The following FAF1 variants were observed in gnomAD, a reference collection of about 807,000 sequenced individuals.
FAF1 encodes the protein Fas associated factor 1.
A neutral mutation model predicts 92.5 loss-of-function variants in FAF1; 25 were observed. The ratio of observed to expected loss-of-function variants is 0.27; its 90% CI spans 0.20 to 0.38. The LOEUF (loss-of-function observed/expected upper bound fraction) is 0.38, where lower values mean the gene tolerates loss of function less well. Among genes scored for constraint, FAF1 ranks in the 10% least tolerant of loss-of-function variants. The pLI, the probability that FAF1 is intolerant of heterozygous loss-of-function variation, is 1.00. For missense variants in FAF1, 636 were observed against 793.3 expected (o/e 0.80, Z 2.38); for synonymous variants, 234 against 273.2 (o/e 0.86, Z 1.42).
In FAF1 at chr1:50,930,583, C is replaced by G. The variant is rs923696876; in HGVS notation, c.45+29184G>C. On this transcript the variant is annotated intron_variant, in intron 1 of 18. Coordinates refer to ENST00000396153, the MANE Select transcript of FAF1 (RefSeq NM_007051.3). ...AGGCACAGTGGCTCAAGCCTGTAAT[C>G]CCAGCACTTTGGGAGGCCAAGGCGG... Among the ~76,000 whole-genome samples the G allele has an allele frequency of 1.1e-4, 16 of 152,328 alleles. No homozygotes were observed. In the East Asian group the frequency reaches 2.3e-3, roughly 22 times the overall value.
intron 4 of FAF1, among the ~76,000 whole-genome samples, chr1:50,751,964 GTTTTGTTTTTGT>G (rs916595250): frequency 4.5e-4 from 69 of 152,154 alleles, no homozygotes; most frequent in Admixed American, 2.4e-3. Flanking sequence ...TTGTGGGAAG[GTTTTGTTTTTGT>G]TTTTGTTTTT....
intron 1 of FAF1, among the ~76,000 whole-genome samples, chr1:50,859,440 C>T (rs955111373): frequency 6.6e-6 from 1 of 151,844 alleles, no homozygotes; most frequent in Non-Finnish European, 1.5e-5. Context: ...GTACAAAAAT[C>T]AGTAGCATTT....
At chr1:50,657,195 G>T (rs950921214) in intron 7 of FAF1, among the ~76,000 whole-genome samples, 5 of 151,684 alleles carry the variant, frequency 3.3e-5, no homozygotes, top group Non-Finnish European at 2.9e-5. Flanking sequence ...CTGGCAGACA[G>T]AGTGAGACCC....
intron 8 of FAF1, among the ~76,000 whole-genome samples, chr1:50,647,635 T>C (rs1317118101): frequency 6.6e-6 from 1 of 152,218 alleles, no homozygotes; most frequent in Non-Finnish European, 1.5e-5. Flanking sequence ...AAGTCAACCA[T>C]GTTAAGGCAT....
chr1:50,731,665 G>A (rs1009204905), intron 6 of FAF1, among the ~76,000 whole-genome samples: 8 of 151,966 alleles, frequency 5.3e-5, no homozygotes, highest in African/African-American at 1.9e-4. Flanking sequence ...ACCGCGCCCG[G>A]CCTCAAAACA....
At chr1:50,762,227 G>A (rs1395196853) in intron 4 of FAF1, among the ~76,000 whole-genome samples, 4 of 152,100 alleles carry the variant, frequency 2.6e-5, no homozygotes, top group Non-Finnish European at 5.9e-5. Context: ...ATGCTCATGG[G>A]TAGGAAGAAT....
rs552748100 is a variant in FAF1, at chr1:50,635,721, A to G, written c.744+19721T>C. 1.1e-4 allele frequency among the ~76,000 whole-genome samples: 17 copies of G among 152,334 alleles called. No homozygotes were observed. In the South Asian group the frequency reaches 3.5e-3, roughly 32 times the overall value. ...CCACCCTGACTGAAAACTCAATTGT[A>G]TAGATGCCATTTAGCTCACTCATCT... On this transcript the variant is annotated intron_variant, in intron 8 of 18. Transcript: ENST00000396153.
At position 50,663,579 on chromosome 1, in the gene FAF1, T is replaced by A. The variant is rs1169039213; in HGVS notation, c.658-8051A>T. 2.0e-5 allele frequency among the ~76,000 whole-genome samples: 3 copies of A among 151,418 alleles called. No individual in the cohort carries two copies. The East Asian group carries it at 5.8e-4, about 29-fold the overall frequency. ...CACCACACCCGGCTAATTTTTGTAT[T>A]TTTTTAGTAGAGACAGGGTTTCACC... On this transcript the variant is annotated intron_variant, in intron 7 of 18. Transcript: ENST00000396153.
At chr1:50,621,869 A>G (rs1322181482) in intron 8 of FAF1, among the ~76,000 whole-genome samples, 1 of 152,040 alleles carries the variant, frequency 6.6e-6, no homozygotes, top group Non-Finnish European at 1.5e-5. Context: ...TGCTCCCTAG[A>G]AAGATTCCCC....
chr1:50,769,682 A>G (rs921996624), intron 4 of FAF1, among the ~76,000 whole-genome samples: 2 of 152,238 alleles, frequency 1.3e-5, no homozygotes, highest in African/African-American at 4.8e-5. Flanking sequence ...AAACAGAACT[A>G]TAAGCAAAAA....
At chr1:50,650,711 G>A (rs1052757917) in intron 8 of FAF1, among the ~76,000 whole-genome samples, 4 of 152,188 alleles carry the variant, frequency 2.6e-5, no homozygotes, top group South Asian at 2.1e-4. Flanking sequence ...AGAACTACAT[G>A]TATTCATATT....
intron 1 of FAF1, among the ~76,000 whole-genome samples, chr1:50,953,836 A>G (rs1645241098): frequency 6.6e-6 from 1 of 152,214 alleles, no homozygotes; most frequent in African/African-American, 2.4e-5. Flanking sequence ...ACAAAAGCAC[A>G]TTTGTGTGTT....
intron 1 of FAF1, among the ~76,000 whole-genome samples, chr1:50,952,789 G>A (rs1570181385): frequency 6.6e-6 from 1 of 150,478 alleles, no homozygotes; most frequent in Non-Finnish European, 1.5e-5. Context: ...GAGCATCTCT[G>A]CCCGGCCGCC....
intron 14 of FAF1, among the ~76,000 whole-genome samples, 193 bp from the exon 15 acceptor site, chr1:50,535,650 C>G (rs1648438277): frequency 6.6e-6 from 1 of 150,470 alleles, no homozygotes; most frequent in Non-Finnish European, 1.5e-5. Flanking sequence ...TAGTAGTATA[C>G]TGGCAGTTGA....
Position 50,960,051 on chromosome 1 carries a change from C to G in FAF1, c.-240G>C, listed in dbSNP as rs1259867585. 1 of 395,600 alleles carries G rather than the reference C, an allele frequency of 2.5e-6. No homozygotes were observed. Among genetic ancestry groups the G allele is most frequent in the Non-Finnish European group, 4.5e-6 (1 of 224,220 alleles). 24.5% of individuals were successfully genotyped at this position (395,600 alleles called of 1,614,324 possible). ...CGCCTGCAACCTGCGGAGCCCGCGT[C>G]GCAGCAGCCCGGACAGGAAGATTGG... On this transcript the variant is annotated 5_prime_UTR_variant, in exon 1 of 19. Transcript: ENST00000396153.
chr1:50,832,215 G>A lies in FAF1; in HGVS notation c.114+25714C>T, dbSNP rs149505472. On this transcript the variant is annotated intron_variant, in intron 2 of 18. Transcript: ENST00000396153. ...CCAAAACCATCCTCTACTCCAGTCCGCAGAAAAACTGTTGTCTATAAAACC... is the reference window on the plus strand; with the variant it reads ...CCAAAACCATCCTCTACTCCAGTCCACAGAAAAACTGTTGTCTATAAAACC... Among the ~76,000 whole-genome samples the A allele has an allele frequency of 1.3e-3, 197 of 152,182 alleles. 1 individual carries two copies. The highest frequency in any genetic ancestry group is 4.5e-3 in the African/African-American group (187 of 41,514).
At position 50,583,522 on chromosome 1, in the gene FAF1, T is replaced by C; in HGVS notation, c.1031+130A>G. The C allele has an allele frequency of 2.0e-6, 1 of 495,424 alleles. No individual in the cohort carries two copies. The highest frequency in any genetic ancestry group is 3.5e-6 in the Non-Finnish European group (1 of 286,624). 30.7% of individuals were successfully genotyped at this position (495,424 alleles called of 1,614,324 possible). A position where few individuals can be genotyped will look rare whatever the true frequency, so the allele number is the denominator to read the frequency against. Reference sequence around the variant, plus strand: ...TATGTGTTTCACTATTAGGACTATATAAATTAACAAGTATATCCTTTGAAT... The same window carrying C: ...TATGTGTTTCACTATTAGGACTATACAAATTAACAAGTATATCCTTTGAAT... On this transcript the variant is annotated intron_variant, in intron 11 of 18. Transcript: ENST00000396153. This position sits in a 1 kb window ranked among gnomAD's most constrained non-coding sequence, Gnocchi z 4.2.
At chr1:50,495,747 T>A (rs1646890380) in intron 15 of FAF1, among the ~76,000 whole-genome samples, 1 of 152,190 alleles carries the variant, frequency 6.6e-6, no homozygotes. Flanking sequence ...AGGGTTCCCT[T>A]TTCTCCACAT....
intron 4 of FAF1, chr1:50,781,136 T>G (rs572781147): frequency 7.2e-6 from 2 of 279,230 alleles, no homozygotes; most frequent in Non-Finnish European, 1.4e-5. Flanking sequence ...TCAATACTCC[T>G]CCGGGTGCCC....
Sources: allele counts gnomAD v4.1 joint callset (sites outside exome capture counted in the v4.1 genomes callset), GRCh38; gene constraint gnomAD v4.1.1; non-coding constraint Gnocchi (gnomAD v3.1); transcripts MANE v1.5; gene names NCBI Gene and HGNC (gene_info 2026-07-23, HGNC 2026-07-21).